PRDM16: variants seen among roughly 807,000 people sequenced by gnomAD.
PRDM16 encodes PR/SET domain 16, also known as histone-lysine N-methyltransferase PRDM16.
In PRDM16, 23 loss-of-function variants were observed where a neutral mutation model predicts 110.6. That is an observed-to-expected ratio of 0.21 (90% CI 0.15 to 0.29). PRDM16 has a LOEUF of 0.29. Among genes scored for constraint, PRDM16 ranks in the 10% least tolerant of loss-of-function variants. PRDM16 has a pLI of 1.00. For missense variants in PRDM16, 1,615 were observed against 1,794.3 expected (o/e 0.90, Z 1.81); for synonymous variants, 799 against 781.8 (o/e 1.02, Z -0.37).
chr1:3,274,332 T>G (rs1323772903), intron 3 of PRDM16, among the ~76,000 whole-genome samples: 3 of 152,160 alleles, frequency 2.0e-5, no homozygotes, highest in African/African-American at 7.2e-5. Flanking sequence ...TGCCATTCAC[T>G]TTTCTTAAGA....
intron 3 of PRDM16, among the ~76,000 whole-genome samples, chr1:3,277,797 A>ACGCACACACAAG (rs1640625103): frequency 3.9e-5 from 6 of 152,082 alleles, no homozygotes; most frequent in South Asian, 2.1e-4. Flanking sequence ...GCACACACAA[A>ACGCACACACAAG]CGCACAGTTG....
intron 2 of PRDM16, among the ~76,000 whole-genome samples, chr1:3,221,020 G>A (rs1175809034): frequency 6.6e-6 from 1 of 152,244 alleles, no homozygotes; most frequent in African/African-American, 2.4e-5. Context: ...TCTGGGAGCA[G>A]GAGTCATGTT....
Position 3,157,009 on chromosome 1 carries a change from G to A in PRDM16, c.38-29116G>A, listed in dbSNP as rs1236486380. 6.6e-6 allele frequency among the ~76,000 whole-genome samples: 1 copy of A among 152,216 alleles called. No individual in the cohort carries two copies. The highest frequency in any genetic ancestry group is 1.5e-5 in the Non-Finnish European group (1 of 68,048). On this transcript the variant is annotated intron_variant, in intron 1 of 16. Transcript: ENST00000270722. This position sits in a 1 kb window ranked among gnomAD's most constrained non-coding sequence, Gnocchi z 4.8. ...CGTGTGGTGCAAGCTGTAAGCCAGT[G>A]AGTGTCTGGTTAGAGGCTGGGCTGG... is the stretch of plus-strand genomic sequence containing the variant.
At position 3,404,070 on chromosome 1, in the gene PRDM16, G is replaced by A. The variant is rs555364880; in HGVS notation, c.885-669G>A. Among the ~76,000 whole-genome samples, 82 of 152,368 alleles carry A rather than the reference G, an allele frequency of 5.4e-4. 1 individual carries two copies. The South Asian group carries it at 0.017, about 31-fold the overall frequency. On this transcript the variant is annotated intron_variant, in intron 6 of 16. Transcript: ENST00000270722. Reference sequence around the variant, plus strand: ...CAGTCTCCTGATGCTCGGGAACCAGGCGTTTCTGATCTGAATGGATGGCTG... The same window carrying A: ...CAGTCTCCTGATGCTCGGGAACCAGACGTTTCTGATCTGAATGGATGGCTG...
chr1:3,114,385 GACGC>G (rs1225424019), intron 1 of PRDM16, among the ~76,000 whole-genome samples: 1 of 117,380 alleles, frequency 8.5e-6, no homozygotes, highest in Non-Finnish European at 1.7e-5. Context: ...GGTGTAAACA[GACGC>G]GCACGCACGC....
chr1:3,238,614 G>A (rs373511876), intron 2 of PRDM16, among the ~76,000 whole-genome samples: 7 of 152,384 alleles, frequency 4.6e-5, no homozygotes, highest in Non-Finnish European at 7.3e-5. Flanking sequence ...GAGGCGGGGC[G>A]GCCGGCGACT....
At chr1:3,330,386 C>T (rs1413931480) in intron 3 of PRDM16, among the ~76,000 whole-genome samples, 5 of 152,230 alleles carry the variant, frequency 3.3e-5, no homozygotes, top group Non-Finnish European at 2.9e-5. Flanking sequence ...CCGCTCAAGG[C>T]CTTCTCTGGT....
intron 1 of PRDM16, among the ~76,000 whole-genome samples, chr1:3,124,814 G>T: frequency 6.6e-6 from 1 of 152,292 alleles, no homozygotes; most frequent in Middle Eastern, 3.4e-3. Context: ...GGTCAGGGTG[G>T]GAACATGCCA....
rs997693046 is a variant in PRDM16 at position 3,265,981 on chromosome 1, C to T, written c.438+21844C>T. The stretch of plus-strand genomic sequence containing the variant: ...CCCAGCCCCCAACTCAAGGGCCGCC[C>T]TCCAGCCTAGCGACGCCACCTGGCC... On this transcript the variant is annotated intron_variant, in intron 3 of 16. Transcript: ENST00000270722. This position sits in a 1 kb window ranked among gnomAD's most constrained non-coding sequence, Gnocchi z 4.5. 3.3e-5 allele frequency among the ~76,000 whole-genome samples: 5 copies of T among 152,198 alleles called. No individual in the cohort carries two copies. Among genetic ancestry groups the T allele is most frequent in the African/African-American group, 1.2e-4 (5 of 41,450 alleles).
intron 3 of PRDM16, among the ~76,000 whole-genome samples, chr1:3,360,606 AGAG>A (rs1295170095): frequency 6.6e-6 from 1 of 152,176 alleles, no homozygotes; most frequent in Non-Finnish European, 1.5e-5. Context: ...CGCTCACAGC[AGAG>A]GAGGAGGGCC....
chr1:3,435,001 G>A lies in PRDM16; in HGVS notation c.*1190G>A, dbSNP rs918548721. On this transcript the variant is annotated 3_prime_UTR_variant, in exon 17 of 17. Transcript: ENST00000270722. ...TCCGGATGGACGACACAGTCGTCAC[G>A]TCGCTCTTCCTGCGGGTTCTTGGCG... is the stretch of plus-strand genomic sequence containing the variant. The A allele has an allele frequency of 2.2e-5, 5 of 227,926 alleles. No individual in the cohort carries two copies. The highest frequency in any genetic ancestry group is 1.3e-3 in the Middle Eastern group (1 of 778). 14.1% of individuals were successfully genotyped at this position (227,926 alleles called of 1,614,324 possible).
At chr1:3,304,441 A>T (rs1215661112) in intron 3 of PRDM16, among the ~76,000 whole-genome samples, 1 of 152,196 alleles carries the variant, frequency 6.6e-6, no homozygotes, top group African/African-American at 2.4e-5. Context: ...CCTCAGACAA[A>T]TGCCTGCCCC....
At chr1:3,153,601 TTC>T (rs1159473404) in intron 1 of PRDM16, among the ~76,000 whole-genome samples, 4 of 152,330 alleles carry the variant, frequency 2.6e-5, no homozygotes, top group Admixed American at 6.5e-5. Context: ...TGGCAACAGT[TTC>T]TCTCGCTATG....
chr1:3,190,431 G>A lies in PRDM16; in HGVS notation c.387+3957G>A, dbSNP rs945049192. ...TGAGGCTGACGCTTTTGGGAGGGCC[G>A]CCCCCTCCTCTCTCCCTCCTGTGTG... On this transcript the variant is annotated intron_variant, in intron 2 of 16. Transcript: ENST00000270722. This position sits in a 1 kb window ranked among gnomAD's most constrained non-coding sequence, Gnocchi z 5.0. Among the ~76,000 whole-genome samples the A allele has an allele frequency of 8.5e-5, 13 of 152,148 alleles. No homozygotes were observed. The highest frequency in any genetic ancestry group is 2.4e-4 in the African/African-American group (10 of 41,430).
intron 8 of PRDM16, among the ~76,000 whole-genome samples, chr1:3,408,601 C>T (rs1643602556): frequency 7.2e-6 from 1 of 138,134 alleles, no homozygotes; most frequent in South Asian, 2.2e-4. Flanking sequence ...GGTGTGTGAG[C>T]TGGTGTGTGT....
At chr1:3,186,548 G>T in intron 2 of PRDM16, 74 bp downstream of exon 2, 2 of 1,036,648 alleles carry the variant, frequency 1.9e-6, no homozygotes, top group Non-Finnish European at 2.7e-6. Context: ...AAGCCGGGCT[G>T]AGCAGCCACT....
rs981389306 is a variant in PRDM16, at chr1:3,089,967, G to A, written c.37+20671G>A. 1.3e-4 allele frequency among the ~76,000 whole-genome samples: 20 copies of A among 152,188 alleles called. No individual in the cohort carries two copies. The South Asian group carries it at 2.5e-3, about 19-fold the overall frequency. On this transcript the variant is annotated intron_variant, in intron 1 of 16. Transcript: ENST00000270722. ...CTGCCACAGTTCCATGACTTTTTACGGGTGGTCCCTACTCTGTATCTCCCA... is the reference window on the plus strand; with the variant it reads ...CTGCCACAGTTCCATGACTTTTTACAGGTGGTCCCTACTCTGTATCTCCCA...
intron 1 of PRDM16, among the ~76,000 whole-genome samples, chr1:3,165,741 ACAGTGACTCACCTGGGCCCAGG>A (rs1218330473): frequency 2.8e-5 from 2 of 70,474 alleles, no homozygotes; most frequent in Non-Finnish European, 4.8e-5. Context: ...GGGCTCAGGG[ACAGTGACTCACCTGGGCCCAGG>A]GACAGGGACT....
At chr1:3,431,243 C>T in intron 15 of PRDM16, 135 bp downstream of exon 15, 2 of 1,390,380 alleles carry the variant, frequency 1.4e-6, no homozygotes, top group Non-Finnish European at 1.9e-6. Flanking sequence ...ACCTCAGGGC[C>T]TCCACACACA....
Sources: gnomAD v4.1 joint callset for allele counts (sites outside exome capture counted in the v4.1 genomes callset) on GRCh38, gnomAD v4.1.1 for gene constraint, Gnocchi (gnomAD v3.1) non-coding constraint, MANE v1.5 for transcripts, NCBI Gene and HGNC (gene_info 2026-07-23, HGNC 2026-07-21) for gene names.